The following CABLES1 variants were observed in gnomAD, a reference collection of about 807,000 sequenced individuals.
The protein encoded by CABLES1 is Cdk5 and Abl enzyme substrate 1.
Under a neutral mutation model 57.8 loss-of-function variants are expected in CABLES1, and 36 were observed. The ratio of observed to expected loss-of-function variants is 0.62; its 90% CI spans 0.48 to 0.82. The LOEUF (loss-of-function observed/expected upper bound fraction) is 0.82, where lower values mean the gene tolerates loss of function less well. Ranked by LOEUF, CABLES1 falls within the 40% of genes least tolerant of loss-of-function variation. The probability of loss-of-function intolerance (pLI) is 0.00; values close to 1 mark genes in which losing one functional copy is unlikely to be tolerated. For synonymous variants in CABLES1, 374 were observed against 363.0 expected, an observed-to-expected ratio of 1.03 and a Z score of -0.35; for missense variants, 767 against 836.6, an observed-to-expected ratio of 0.92 and a Z score of 1.03.
At chr18:23,174,235 T>G (rs917933967) in intron 1 of CABLES1, among the ~76,000 whole-genome samples, 8 of 152,332 alleles carry the variant, frequency 5.3e-5, no homozygotes, top group African/African-American at 1.9e-4. Context: ...ACTGGCTCCT[T>G]TGGCTTAACA....
intron 1 of CABLES1, among the ~76,000 whole-genome samples, chr18:23,156,428 A>G (rs1364075172): frequency 2.0e-5 from 3 of 152,236 alleles, no homozygotes; most frequent in Non-Finnish European, 4.4e-5. Context: ...GTTTCGCTTC[A>G]GGACCCTGGA....
In CABLES1 at chr18:23,227,774, C is replaced by T. The variant is rs184781312; in HGVS notation, c.1089-6834C>T. 1.2e-4 allele frequency among the ~76,000 whole-genome samples: 18 copies of T among 152,342 alleles called. No homozygotes were observed. The East Asian group carries it at 2.7e-3, about 23-fold the overall frequency. ...TTAGCTCACAAGTGGTATTTCCTTT[C>T]GTAATCCAGCTTTCAGGCTTTGCTT... On this transcript the variant is annotated intron_variant, in intron 4 of 9. Coordinates refer to ENST00000256925, the MANE Select transcript of CABLES1 (RefSeq NM_001100619.3).
At chr18:23,240,713 T>C (rs533856580) in intron 7 of CABLES1, among the ~76,000 whole-genome samples, 7 of 152,336 alleles carry the variant, frequency 4.6e-5, no homozygotes, top group African/African-American at 1.7e-4. Flanking sequence ...CTGTCCCGTC[T>C]TCCTCGGGCC....
Position 23,214,209 on chromosome 18 carries a change from C to T in CABLES1, c.1088+155C>T. The T allele has an allele frequency of 8.7e-6, 5 of 577,994 alleles. 1 individual carries two copies. In the South Asian group the frequency reaches 1.2e-4, roughly 13 times the overall value. The allele number at this position is 577,994 out of a possible 1,614,324, so 35.8% of individuals were successfully genotyped here. On this transcript the variant is annotated intron_variant, in intron 4 of 9. Coordinates refer to ENST00000256925, the MANE Select transcript of CABLES1 (RefSeq NM_001100619.3). ...ACTGGAATGATAAAAAGATGTTCCA[C>T]TTTCTTTTCAGCCAGAAAGCTTCCT...
At chr18:23,155,117 G>C (rs980098515) in intron 1 of CABLES1, among the ~76,000 whole-genome samples, 1 of 152,172 alleles carries the variant, frequency 6.6e-6, no homozygotes, top group Non-Finnish European at 1.5e-5. Context: ...AAATAATTTA[G>C]CCTGTAGAGC....
intron 3 of CABLES1, among the ~76,000 whole-genome samples, chr18:23,202,065 G>C (rs1219737244): frequency 1.3e-5 from 2 of 151,728 alleles, no homozygotes; most frequent in African/African-American, 2.4e-5. Flanking sequence ...AAGGAAGGAA[G>C]GCGAGATGAG....
intron 3 of CABLES1, among the ~76,000 whole-genome samples, chr18:23,213,636 C>T (rs528825818): frequency 2.6e-5 from 4 of 152,378 alleles, no homozygotes; most frequent in East Asian, 1.9e-4. Flanking sequence ...CATGACTGCT[C>T]ACCCAGCCCT....
At chr18:23,221,790 CATG>C (rs1411953678) in intron 4 of CABLES1, among the ~76,000 whole-genome samples, 4 of 152,178 alleles carry the variant, frequency 2.6e-5, no homozygotes, top group Non-Finnish European at 2.9e-5. Context: ...ACCTGGGTAT[CATG>C]AGCTAGTCTA....
chr18:23,169,930 G>A (rs187988894), intron 1 of CABLES1, among the ~76,000 whole-genome samples: 1 of 152,290 alleles, frequency 6.6e-6, no homozygotes. Context: ...TGGGCAGCCG[G>A]AGGGCAGGTG....
chr18:23,238,214 G>A (rs1257396118), intron 7 of CABLES1, among the ~76,000 whole-genome samples: 1 of 152,222 alleles, frequency 6.6e-6, no homozygotes, highest in Non-Finnish European at 1.5e-5. Context: ...TAGCCAGAGT[G>A]GAAACCAATC....
chr18:23,249,742 G>A (rs2047991122), intron 7 of CABLES1, among the ~76,000 whole-genome samples: 1 of 152,136 alleles, frequency 6.6e-6, no homozygotes, highest in African/African-American at 2.4e-5. Flanking sequence ...TGCTGAAGGT[G>A]GACCTGACCC....
intron 1 of CABLES1, among the ~76,000 whole-genome samples, chr18:23,146,406 C>T (rs949826141): frequency 3.3e-5 from 5 of 151,974 alleles, no homozygotes; most frequent in African/African-American, 7.2e-5. Context: ...CGGGTTCAAG[C>T]GATTGGCCAG....
intron 1 of CABLES1, among the ~76,000 whole-genome samples, chr18:23,168,659 G>C (rs909653510): frequency 1.3e-5 from 2 of 152,222 alleles, no homozygotes; most frequent in Admixed American, 6.5e-5. Context: ...AGGGCATGGA[G>C]CAAAGCTGCG....
intron 7 of CABLES1, among the ~76,000 whole-genome samples, chr18:23,249,029 T>C (rs2047973653): frequency 6.6e-6 from 1 of 152,186 alleles, no homozygotes; most frequent in East Asian, 1.9e-4. Context: ...GGCTGCTGGC[T>C]CCAGATCCGT....
intron 1 of CABLES1, among the ~76,000 whole-genome samples, chr18:23,144,975 G>T (rs1208815985): frequency 5.7e-4 from 82 of 144,028 alleles, no homozygotes; most frequent in African/African-American, 2.0e-3. Flanking sequence ...TCACTCTGTT[G>T]CCCAGGCTGG....
At chr18:23,164,733 A>G (rs1473426752) in intron 1 of CABLES1, among the ~76,000 whole-genome samples, 1 of 151,084 alleles carries the variant, frequency 6.6e-6, no homozygotes, top group African/African-American at 2.4e-5. Context: ...TATCTTTGAT[A>G]TGTTGTGATA....
intron 1 of CABLES1, among the ~76,000 whole-genome samples, chr18:23,150,951 A>G (rs1486268672): frequency 6.6e-6 from 1 of 151,366 alleles, no homozygotes; most frequent in African/African-American, 2.4e-5. Context: ...CGGATGCCTC[A>G]TAACGCTAAG....
chr18:23,184,158 A>G (rs2047186184), intron 1 of CABLES1, among the ~76,000 whole-genome samples: 1 of 152,170 alleles, frequency 6.6e-6, no homozygotes, highest in South Asian at 2.1e-4. Context: ...TTGTCTCAGA[A>G]TATACTGGTT....
Position 23,237,165 on chromosome 18 carries a change from G to T in CABLES1, c.1366G>T (p.Asp456Tyr), listed in dbSNP as rs771688713. 1.2e-6 allele frequency: 2 copies of T among 1,613,064 alleles called. No homozygotes were observed. The highest frequency in any genetic ancestry group is 1.7e-5 in the Admixed American group (1 of 60,016). ...DTGSDLGDFMDYDPNLLDDPQ... is the reference protein window; with the variant it reads ...DTGSDLGDFMYYDPNLLDDPQ... The stretch of plus-strand genomic sequence containing the variant: ...AGGTAGTGACCTGGGAGACTTTATG[G>T]ACTATGACCCAAATCTCTTGGATGA... The change falls in exon 7 of 10, where the codon GAC (aspartate) becomes TAC (tyrosine). Residue 456 changes from aspartate (D) to tyrosine (Y), a missense_variant. Asp to Tyr is a radical substitution (Grantham distance 160). Transcript: ENST00000256925.
Sources: allele counts gnomAD v4.1 joint callset (sites outside exome capture counted in the v4.1 genomes callset), GRCh38; gene constraint gnomAD v4.1.1; transcripts MANE v1.5; gene names NCBI Gene and HGNC (gene_info 2026-07-23, HGNC 2026-07-21).